The following AIM2 variants were observed in gnomAD, a reference collection of about 807,000 sequenced individuals.
AIM2 encodes the protein absent in melanoma 2.
A neutral mutation model predicts 27.7 loss-of-function variants in AIM2; 30 were observed. The ratio of observed to expected loss-of-function variants is 1.08; its 90% CI spans 0.81 to 1.47. AIM2 has a LOEUF of 1.47. AIM2 is among the 40% of genes most tolerant of loss of function. The probability of loss-of-function intolerance (pLI) is 0.00; values close to 1 mark genes in which losing one functional copy is unlikely to be tolerated. For missense variants in AIM2, 358 were observed against 411.3 expected (o/e 0.87, Z 1.12); for synonymous variants, 141 against 145.3 (o/e 0.97, Z 0.21).
At chr1:159,118,523 A>G (rs1473169447) in intron 1 of AIM2, among the ~76,000 whole-genome samples, 1 of 152,182 alleles carries the variant, frequency 6.6e-6, no homozygotes, top group Admixed American at 6.5e-5. Context: ...ACTGTCAGTG[A>G]GGTGTAGTTT....
Position 159,082,852 on chromosome 1 carries a change from T to C in AIM2, c.-15-16523A>G, listed in dbSNP as rs12129527. Reference sequence around the variant, plus strand: ...AATGGTGACCAGAAGCCCTTGAACCTTGACTTGTACACAGCTAGACTGAAA... The same window carrying C: ...AATGGTGACCAGAAGCCCTTGAACCCTGACTTGTACACAGCTAGACTGAAA... On this transcript the variant is annotated intron_variant, in intron 1 of 2. Coordinates refer to the AIM2 transcript ENST00000368129. Among the ~76,000 whole-genome samples the C allele has an allele frequency of 5.2e-3, 786 of 152,220 alleles. 2 individuals carry two copies. The highest frequency in any genetic ancestry group is 8.6e-3 in the Non-Finnish European group (582 of 68,002).
At chr1:159,074,413 C>T (rs1459809609) in intron 1 of AIM2, among the ~76,000 whole-genome samples, 1 of 151,682 alleles carries the variant, frequency 6.6e-6, no homozygotes, top group East Asian at 1.9e-4. Flanking sequence ...ATGAATTTTC[C>T]CAGAATCATA....
chr1:159,139,234 A>G (rs1648067362), intron 1 of AIM2, among the ~76,000 whole-genome samples: 1 of 152,224 alleles, frequency 6.6e-6, no homozygotes, highest in Non-Finnish European at 1.5e-5. Flanking sequence ...GCACAGAGGG[A>G]CCACATGCTC....
In AIM2 at chr1:159,082,759, G is replaced by A. The variant is rs187894039; in HGVS notation, c.-15-16430C>T. Among the ~76,000 whole-genome samples the A allele has an allele frequency of 3.5e-4, 53 of 152,260 alleles. 1 individual carries two copies. The highest frequency in any genetic ancestry group is 3.4e-3 in the Middle Eastern group (1 of 294). On this transcript the variant is annotated intron_variant, in intron 1 of 2. Coordinates refer to the AIM2 transcript ENST00000368129. The stretch of plus-strand genomic sequence containing the variant: ...CTAATATCATCACATTAGGGGTTAG[G>A]ATTTTAACATATGAATTTTGGGGGT...
intron 4 of AIM2, among the ~76,000 whole-genome samples, chr1:159,065,229 A>G (rs1404491524): frequency 6.6e-6 from 1 of 152,088 alleles, no homozygotes; most frequent in Non-Finnish European, 1.5e-5. Context: ...AATCATAATA[A>G]ATACTTTATT....
chr1:159,133,399 G>C (rs1647945165), intron 1 of AIM2, among the ~76,000 whole-genome samples: 1 of 152,108 alleles, frequency 6.6e-6, no homozygotes, highest in Admixed American at 6.6e-5. Flanking sequence ...ATAACGAAAA[G>C]TTTTAAAGTA....
chr1:159,106,313 G>A (rs949958745), intron 1 of AIM2, among the ~76,000 whole-genome samples: 5 of 152,216 alleles, frequency 3.3e-5, no homozygotes, highest in Admixed American at 6.5e-5. Flanking sequence ...GTCCAGCCAC[G>A]CCTCCCCTGC....
chr1:159,059,814 T>C (rs1655773275), downstream of AIM2, among the ~76,000 whole-genome samples: 1 of 152,194 alleles, frequency 6.6e-6, no homozygotes, highest in African/African-American at 2.4e-5. Flanking sequence ...CAAAAGAATT[T>C]GCCTCTTCAA....
chr1:159,132,766 G>A (rs1054752441), intron 1 of AIM2, among the ~76,000 whole-genome samples: 3 of 152,166 alleles, frequency 2.0e-5, no homozygotes, highest in Non-Finnish European at 2.9e-5. Context: ...AATTGCATCT[G>A]TTTATAAGAG....
chr1:159,113,569 A>G (rs958225225), intron 1 of AIM2, among the ~76,000 whole-genome samples: 1 of 152,234 alleles, frequency 6.6e-6, no homozygotes, highest in Non-Finnish European at 1.5e-5. Flanking sequence ...AAATCGGACT[A>G]CCTACAGCTT....
At chr1:159,063,182 T>C (rs544148451) in intron 5 of AIM2, among the ~76,000 whole-genome samples, 2 of 152,364 alleles carry the variant, frequency 1.3e-5, no homozygotes, top group South Asian at 4.1e-4. Flanking sequence ...TTAGTCAGAA[T>C]GACTTTTCCG....
chr1:159,081,398 A>G (rs1314366017), upstream of AIM2: 4 of 337,752 alleles, frequency 1.2e-5, no homozygotes, highest in Non-Finnish European at 1.8e-5. Flanking sequence ...AAATTTTCAA[A>G]AGTAGATAAC....
intron 1 of AIM2, among the ~76,000 whole-genome samples, chr1:159,095,269 C>T (rs1264509125): frequency 6.6e-6 from 1 of 152,178 alleles, no homozygotes; most frequent in East Asian, 1.9e-4. Flanking sequence ...TTCTCTCTGT[C>T]TCTGTATCCT....
At chr1:159,078,769 A>C (rs1464875203), upstream of AIM2, among the ~76,000 whole-genome samples, 1 of 152,176 alleles carries the variant, frequency 6.6e-6, no homozygotes, top group African/African-American at 2.4e-5. Context: ...TCACGGAGAA[A>C]AGTGGGATCC....
At chr1:159,120,127 T>C (rs78277847) in intron 1 of AIM2, among the ~76,000 whole-genome samples, 19,086 of 152,142 alleles carry the variant, frequency 0.13, 1,497 homozygotes, top group Non-Finnish European at 0.17. Context: ...TGGATCCTGA[T>C]GTTATTAACC....
chr1:159,147,105 T>G (rs1446933525), upstream of AIM2: 1 of 152,228 alleles, frequency 6.6e-6, no homozygotes, highest in Admixed American at 6.5e-5. Flanking sequence ...TTTGTTTTAC[T>G]TCTTTGCCTG....
rs543090878 is a variant in AIM2 at position 159,084,671 on chromosome 1, G to A, written c.-15-18342C>T. On this transcript the variant is annotated intron_variant, in intron 1 of 2. Transcript: ENST00000368129. ...GCCTGTAGTCCCAATTACTTGGGAGGTTGAGGCAGGAGGATCACTTGATTG... is the reference window on the plus strand; with the variant it reads ...GCCTGTAGTCCCAATTACTTGGGAGATTGAGGCAGGAGGATCACTTGATTG... Among the ~76,000 whole-genome samples the A allele has an allele frequency of 2.6e-5, 4 of 151,938 alleles. No homozygotes were observed. In the South Asian group the frequency reaches 8.3e-4, roughly 32 times the overall value.
chr1:159,103,559 G>C (rs1657360092), intron 1 of AIM2, among the ~76,000 whole-genome samples: 1 of 152,154 alleles, frequency 6.6e-6, no homozygotes, highest in Admixed American at 6.5e-5. Flanking sequence ...GGAGGTGGAG[G>C]AAGATTTTCA....
chr1:159,115,115 C>A (rs1647298366), intron 1 of AIM2, among the ~76,000 whole-genome samples: 1 of 152,116 alleles, frequency 6.6e-6, no homozygotes, highest in Non-Finnish European at 1.5e-5. Context: ...ACCTAGGAAT[C>A]CAACTTACAA....
Sources: gnomAD v4.1 joint callset for allele counts (sites outside exome capture counted in the v4.1 genomes callset) on GRCh38, gnomAD v4.1.1 for gene constraint, MANE v1.5 for transcripts, NCBI Gene and HGNC (gene_info 2026-07-23, HGNC 2026-07-21) for gene names.